EVI5: variants seen among roughly 807,000 people sequenced by gnomAD.
EVI5 encodes the protein ecotropic viral integration site 5 protein homolog.
Under a neutral mutation model 112.0 loss-of-function variants are expected in EVI5, and 73 were observed. The observed-to-expected ratio is 0.65, with a 90% confidence interval of 0.54 to 0.79. The LOEUF is 0.79. Among genes scored for constraint, EVI5 ranks in the 30% least tolerant of loss-of-function variants. The pLI is 0.00. For synonymous variants in EVI5, 305 were observed against 319.9 expected (o/e 0.95, Z 0.50); for missense variants, 900 against 968.8 (o/e 0.93, Z 0.94).
At chr1:92,552,630 T>C (rs1667115382) in intron 19 of EVI5, among the ~76,000 whole-genome samples, 1 of 152,202 alleles carries the variant, frequency 6.6e-6, no homozygotes, top group Admixed American at 6.5e-5. Context: ...AAGATATTTA[T>C]TTGGTCCTCT....
rs538714152 is a variant in EVI5, at chr1:92,590,205, C to T, written c.2070+15102G>A. Among the ~76,000 whole-genome samples the T allele has an allele frequency of 1.9e-3, 289 of 151,774 alleles. 1 individual carries two copies. The highest frequency in any genetic ancestry group is 6.4e-3 in the South Asian group (31 of 4,820). On this transcript the variant is annotated intron_variant, in intron 18 of 19. Coordinates refer to ENST00000684568, the MANE Select transcript of EVI5 (RefSeq NM_001350197.2). ...AAACTGAAAATTCTAAAAAGCAGAGCGCCTCTCCTCCTCTAAAGGAACGCA... is the reference window on the plus strand; with the variant it reads ...AAACTGAAAATTCTAAAAAGCAGAGTGCCTCTCCTCCTCTAAAGGAACGCA...
intron 14 of EVI5, among the ~76,000 whole-genome samples, chr1:92,630,643 C>A (rs1571987515): frequency 1.3e-5 from 2 of 152,018 alleles, no homozygotes; most frequent in East Asian, 3.9e-4. Context: ...ATGGTAGTTT[C>A]TTTTGCTGTG....
intron 16 of EVI5, among the ~76,000 whole-genome samples, chr1:92,611,590 T>C (rs1571878949): frequency 6.9e-6 from 1 of 145,324 alleles, no homozygotes. Flanking sequence ...TACTCCCAAC[T>C]CGGGAGGCTG....
chr1:92,779,110 G>C (rs1469994623), intron 1 of EVI5, among the ~76,000 whole-genome samples: 1 of 152,084 alleles, frequency 6.6e-6, no homozygotes, highest in Non-Finnish European at 1.5e-5. Flanking sequence ...TCAGCTTTCA[G>C]TAGCCCACTG....
At chr1:92,570,167 A>G (rs2100982888) in intron 18 of EVI5, among the ~76,000 whole-genome samples, 1 of 152,366 alleles carries the variant, frequency 6.6e-6, no homozygotes, top group Admixed American at 6.5e-5. Flanking sequence ...CATAGGAGGT[A>G]TTCTCCAAAT....
intron 16 of EVI5, among the ~76,000 whole-genome samples, chr1:92,623,581 A>G (rs1655026666): frequency 6.6e-6 from 1 of 152,230 alleles, no homozygotes; most frequent in Admixed American, 6.5e-5. Context: ...CTGAGAAGAA[A>G]GAAGGGCAAT....
intron 1 of EVI5, among the ~76,000 whole-genome samples, chr1:92,744,471 A>AT (rs1396892839): frequency 1.3e-5 from 2 of 152,082 alleles, no homozygotes; most frequent in African/African-American, 4.8e-5. Context: ...CTCACAGACT[A>AT]TTTTGTCTTC....
chr1:92,564,923 G>A lies in EVI5; in HGVS notation c.2071-1186C>T, dbSNP rs950521846. On this transcript the variant is annotated intron_variant, in intron 18 of 19. Coordinates refer to ENST00000684568, the MANE Select transcript of EVI5 (RefSeq NM_001350197.2). ...TCGAACCCCTGACCTCAGGTGATCC[G>A]CCCACCTTGGCCTCCCAAAGTGCTG... Among the ~76,000 whole-genome samples, 82 of 152,136 alleles carry A rather than the reference G, an allele frequency of 5.4e-4. 1 individual carries two copies. Among genetic ancestry groups the A allele is most frequent in the South Asian group, 1.9e-3 (9 of 4,826 alleles).
intron 14 of EVI5, among the ~76,000 whole-genome samples, chr1:92,634,924 T>TG (rs1186336998): frequency 6.6e-6 from 1 of 152,232 alleles, no homozygotes; most frequent in South Asian, 2.1e-4. Context: ...GCAAGTCTGT[T>TG]GGAGTTTGCT....
At chr1:92,682,813 T>A (rs7416169) in intron 9 of EVI5, among the ~76,000 whole-genome samples, 2 of 152,160 alleles carry the variant, frequency 1.3e-5, no homozygotes, top group Non-Finnish European at 2.9e-5. Flanking sequence ...CTACCTGAAA[T>A]TTCCTCCTCT....
At chr1:92,532,591 G>C (rs1402224761) in intron 19 of EVI5, among the ~76,000 whole-genome samples, 3 of 152,208 alleles carry the variant, frequency 2.0e-5, no homozygotes, top group South Asian at 4.1e-4. Context: ...CAGTCTCTCA[G>C]ACCACAGTGC....
intron 13 of EVI5, chr1:92,647,394 G>A: frequency 7.3e-6 from 2 of 275,602 alleles, no homozygotes; most frequent in South Asian, 6.1e-5. Context: ...CCTTCTTCTT[G>A]CCTCACTTAA....
intron 9 of EVI5, among the ~76,000 whole-genome samples, chr1:92,683,451 A>C (rs1319305760): frequency 6.6e-6 from 1 of 152,210 alleles, no homozygotes; most frequent in Non-Finnish European, 1.5e-5. Flanking sequence ...CACAAAGATG[A>C]GGAGAAACCA....
intron 2 of EVI5, chr1:92,732,376 A>T (rs976350866): frequency 3.2e-6 from 1 of 312,220 alleles, no homozygotes; most frequent in African/African-American, 2.2e-5. Flanking sequence ...CAGGAGAGAC[A>T]GCAAGCAAAG....
At chr1:92,727,375 C>T (rs2107520) in intron 2 of EVI5, among the ~76,000 whole-genome samples, 137,032 of 152,218 alleles carry the variant, frequency 0.9, 61,796 homozygotes, top group East Asian at 0.97. Flanking sequence ...GCTAGATTTG[C>T]TCATAAAAGG....
chr1:92,538,159 C>T (rs1445030655), intron 19 of EVI5, among the ~76,000 whole-genome samples: 1 of 152,100 alleles, frequency 6.6e-6, no homozygotes, highest in African/African-American at 2.4e-5. Flanking sequence ...AATGAAACTG[C>T]CACTGAATGT....
At chr1:92,747,903 T>C (rs1161576851) in intron 1 of EVI5, among the ~76,000 whole-genome samples, 3 of 152,040 alleles carry the variant, frequency 2.0e-5, no homozygotes, top group African/African-American at 7.2e-5. Context: ...GGTTTGCAGT[T>C]GCAGCACTTC....
chr1:92,777,010 G>A (rs189247477), intron 1 of EVI5, among the ~76,000 whole-genome samples: 49 of 152,170 alleles, frequency 3.2e-4, no homozygotes, highest in African/African-American at 1.2e-3. Context: ...CACCATGTTA[G>A]CCAAGATGGT....
chr1:92,759,468 T>C (rs1332719396), intron 1 of EVI5, among the ~76,000 whole-genome samples: 7 of 152,234 alleles, frequency 4.6e-5, no homozygotes, highest in African/African-American at 1.7e-4. Flanking sequence ...TTTTTAAAAG[T>C]ATGTTTATAG....
Sources: gnomAD v4.1 joint callset for allele counts (sites outside exome capture counted in the v4.1 genomes callset) on GRCh38, gnomAD v4.1.1 for gene constraint, MANE v1.5 for transcripts, NCBI Gene and HGNC (gene_info 2026-07-23, HGNC 2026-07-21) for gene names.